Variants in CLEC14A observed in about 807,000 individuals in gnomAD.
The protein encoded by CLEC14A is C-type lectin domain family 14 member A.
For synonymous variants in CLEC14A, 349 were observed against 292.0 expected (o/e 1.20, Z -1.99); for missense variants, 682 against 659.9 (o/e 1.03, Z -0.37).
In CLEC14A at chr14:38,255,612, G is replaced by C; in HGVS notation, c.411C>G (p.Ser137=). The C allele has an allele frequency of 1.2e-6, 2 of 1,610,666 alleles. No homozygotes were observed. Among genetic ancestry groups the C allele is most frequent in the Non-Finnish European group, 1.7e-6 (2 of 1,179,766 alleles). ...TLQWVEEPQR[S]CTARRCAVLQ... Reference sequence around the variant, plus strand: ...GTACCGCGCATCTCCGCGCGGTGCAGGAGCGTTGGGGCTCCTCCACCCACT... The same window carrying C: ...GTACCGCGCATCTCCGCGCGGTGCACGAGCGTTGGGGCTCCTCCACCCACT... The change falls in exon 1 of 1, where the codon TCC becomes TCG. Residue 137 remains serine, a synonymous_variant. Transcript: ENST00000342213. The surrounding 1 kb of genome is among the most constrained non-coding windows in gnomAD (Gnocchi z 5.1).
At position 38,254,251 on chromosome 14, in the gene CLEC14A, T is replaced by A. The variant is rs1883993105; in HGVS notation, c.*299A>T. The A allele has an allele frequency of 3.6e-6, 1 of 277,058 alleles. No individual in the cohort carries two copies. Among genetic ancestry groups the A allele is most frequent in the Non-Finnish European group, 6.7e-6 (1 of 149,484 alleles). 17.2% of individuals were successfully genotyped at this position (277,058 alleles called of 1,614,324 possible). A position where few individuals can be genotyped will look rare whatever the true frequency, so the allele number is the denominator to read the frequency against. On this transcript the variant is annotated 3_prime_UTR_variant, in exon 1 of 1. Transcript: ENST00000342213. ...AATGTAAATTATATTGTGTTCTATT[T>A]GTTTCCAATGTCTTGAAAAGTTCAA... is the stretch of plus-strand genomic sequence containing the variant.
Position 38,255,645 on chromosome 14 carries a change from G to A in CLEC14A, c.378C>T (p.Asp126=), listed in dbSNP as rs1265403506. The A allele has an allele frequency of 6.8e-6, 11 of 1,607,366 alleles. No individual in the cohort carries two copies. The highest frequency in any genetic ancestry group is 9.3e-6 in the Non-Finnish European group (11 of 1,179,260). ...LSSDPGGLES[D]TLQWVEEPQR... is the part of the protein sequence containing the mutation. ...GGGGCTCCTCCACCCACTGCAGCGT[G>A]TCGCTTTCGAGACCGCCGGGGTCGG... Residue 126 remains aspartate, a synonymous_variant, in exon 1 of 1, where the codon GAC becomes GAT. Coordinates refer to ENST00000342213, the MANE Select transcript of CLEC14A (RefSeq NM_175060.3). This position sits in a 1 kb window ranked among gnomAD's most constrained non-coding sequence, Gnocchi z 5.1.
Position 38,255,795 on chromosome 14 carries a change from G to C in CLEC14A, c.228C>G (p.Leu76=). The part of the protein sequence containing the change: ...AGAELRAVLA[L]LRAGPGPGGG... Reference sequence around the variant, plus strand: ...CTCCGGGCCCTGGGCCTGCCCGCAGGAGCGCGAGCACAGCGCGCAGCTCGG... The same window carrying C: ...CTCCGGGCCCTGGGCCTGCCCGCAGCAGCGCGAGCACAGCGCGCAGCTCGG... Residue 76 remains leucine (L), a synonymous_variant, in exon 1 of 1, where the codon CTC becomes CTG. Coordinates refer to ENST00000342213, the MANE Select transcript of CLEC14A (RefSeq NM_175060.3). This position sits in a 1 kb window ranked among gnomAD's most constrained non-coding sequence, Gnocchi z 5.1. 4 of 1,541,664 alleles carry C rather than the reference G, an allele frequency of 2.6e-6. No homozygotes were observed. Among genetic ancestry groups the C allele is most frequent in the Non-Finnish European group, 3.5e-6 (4 of 1,148,178 alleles).
chr14:38,255,594 G>C lies in CLEC14A; in HGVS notation c.429C>G (p.Cys143Trp), dbSNP rs1276346398. 7 of 1,611,846 alleles carry C rather than the reference G, an allele frequency of 4.3e-6. No homozygotes were observed. The highest frequency in any genetic ancestry group is 1.3e-5 in the African/African-American group (1 of 74,932). ...CCCCACCGGTGGCCTGGAGTACCGC[G>C]CATCTCCGCGCGGTGCAGGAGCGTT... Reference protein sequence around the residue: ...EPQRSCTARRCAVLQATGGVE... With the variant: ...EPQRSCTARRWAVLQATGGVE... The change falls in exon 1 of 1, where the codon TGC becomes TGG. Residue 143 changes from cysteine to tryptophan, a missense_variant. Physicochemically the swap from Cys to Trp is radical, Grantham distance 215 (BLOSUM62 -2). Transcript: ENST00000342213. The surrounding 1 kb of genome is among the most constrained non-coding windows in gnomAD (Gnocchi z 5.1).
chr14:38,255,984 C>T lies in CLEC14A; in HGVS notation c.39G>A (p.Ala13=). The T allele has an allele frequency of 1.9e-6, 3 of 1,541,182 alleles. No individual in the cohort carries two copies. The highest frequency in any genetic ancestry group is 2.6e-6 in the Non-Finnish European group (3 of 1,144,124). The change falls in exon 1 of 1, where the codon GCG becomes GCA. Residue 13 remains alanine, a synonymous_variant. Coordinates refer to ENST00000342213, the MANE Select transcript of CLEC14A (RefSeq NM_175060.3). The surrounding 1 kb of genome is among the most constrained non-coding windows in gnomAD (Gnocchi z 5.1). Reference sequence around the variant, plus strand: ...CGCCGCCGCCCGGCCCGGGCCAGAGCGCCTGCCAGAGGAGGCACAGGGCGA... The same window carrying T: ...CGCCGCCGCCCGGCCCGGGCCAGAGTGCCTGCCAGAGGAGGCACAGGGCGA... ...PAFALCLLWQ[A]LWPGPGGGEH...
chr14:38,254,076 C>T lies in CLEC14A; in HGVS notation c.*474G>A, dbSNP rs1451624019. On this transcript the variant is annotated 3_prime_UTR_variant, in exon 1 of 1. Transcript: ENST00000342213. ...ATGCCCTCAGCTGTTCCTAATTACT[C>T]CTGGAGGAAGGCAATGATATTTGAG... 1 of 152,328 alleles carries T rather than the reference C, an allele frequency of 6.6e-6. No homozygotes were observed. Among genetic ancestry groups the T allele is most frequent in the Non-Finnish European group, 1.5e-5 (1 of 68,182 alleles). 9.4% of individuals were successfully genotyped at this position (152,328 alleles called of 1,614,324 possible).
chr14:38,255,283 G>C lies in CLEC14A; in HGVS notation c.740C>G (p.Pro247Arg). 1 of 1,613,728 alleles carries C rather than the reference G, an allele frequency of 6.2e-7. No individual in the cohort carries two copies. Among genetic ancestry groups the C allele is most frequent in the Non-Finnish European group, 8.5e-7 (1 of 1,180,024 alleles). ...KLSGDVLCPC[P>R]GRYLRAGKCA... The stretch of plus-strand genomic sequence containing the variant: ...TTTGCCAGCACGGAGGTACCTCCCG[G>C]GGCAGGGACACAACACATCGCCCGA... Residue 247 changes from proline to arginine, a missense_variant, in exon 1 of 1, where the codon CCC becomes CGC. By Grantham distance (103) the Pro-to-Arg change is moderately radical. Transcript: ENST00000342213. The surrounding 1 kb of genome is among the most constrained non-coding windows in gnomAD (Gnocchi z 5.1).
chr14:38,254,999 A>G lies in CLEC14A; in HGVS notation c.1024T>C (p.Ser342Pro), dbSNP rs753945066. Residue 342 changes from serine to proline, a missense_variant, in exon 1 of 1, where the codon TCT becomes CCT. By Grantham distance (74) the Ser-to-Pro change is moderately conservative. Transcript: ENST00000342213. Reference protein sequence around the residue: ...LVPEQDNSVTSIPEIPRWGSQ... With the variant: ...LVPEQDNSVTPIPEIPRWGSQ... ...CCCCATCGAGGAATCTCAGGAATAG[A>G]TGTTACTGAATTGTCTTGTTCAGGG... 7.4e-6 allele frequency: 12 copies of G among 1,613,892 alleles called. No individual in the cohort carries two copies. The highest frequency in any genetic ancestry group is 1.3e-5 in the African/African-American group (1 of 74,896).
rs1023967282 is a variant in CLEC14A at position 38,254,334 on chromosome 14, G to A, written c.*216C>T. ...AAAATATCTCTCCCCAGCACTACCC[G>A]GTCCCCCAGTATCACCATCCTAAAG... On this transcript the variant is annotated 3_prime_UTR_variant, in exon 1 of 1. Coordinates refer to ENST00000342213, the MANE Select transcript of CLEC14A (RefSeq NM_175060.3). The A allele has an allele frequency of 6.5e-6, 3 of 460,094 alleles. No homozygotes were observed. Among genetic ancestry groups the A allele is most frequent in the East Asian group, 3.3e-5 (1 of 30,020 alleles). 28.5% of individuals were successfully genotyped at this position (460,094 alleles called of 1,614,324 possible).
Position 38,254,759 on chromosome 14 carries a change from T to C in CLEC14A, c.1264A>G (p.Lys422Glu). ...ILTMTVLGLV[K>E]LCFHESPSSQ... ...GAGGGGCTTTCGTGAAAGCAGAGCT[T>C]GACAAGCCCCAGTACTGTCATGGTC... Residue 422 changes from lysine (K) to glutamate (E), a missense_variant, in exon 1 of 1, where the codon AAG becomes GAG. Transcript: ENST00000342213. 2 of 1,614,090 alleles carry C rather than the reference T, an allele frequency of 1.2e-6. No individual in the cohort carries two copies. The highest frequency in any genetic ancestry group is 1.7e-6 in the Non-Finnish European group (2 of 1,180,010).
rs774560433 is a variant in CLEC14A, at chr14:38,255,246, G to A, written c.777C>T (p.Leu259=). 1 of 1,613,868 alleles carries A rather than the reference G, an allele frequency of 6.2e-7. No individual in the cohort carries two copies. Among genetic ancestry groups the A allele is most frequent in the South Asian group, 1.1e-5 (1 of 91,088 alleles). ...RYLRAGKCAE[L]PNCLDDLGGF... is the part of the protein sequence containing the mutation. ...CTCCCAAGTCGTCTAGGCAGTTAGG[G>A]AGCTCTGCGCATTTGCCAGCACGGA... The change falls in exon 1 of 1, where the codon CTC becomes CTT. Residue 259 remains leucine (L), a synonymous_variant. Coordinates refer to ENST00000342213, the MANE Select transcript of CLEC14A (RefSeq NM_175060.3). The surrounding 1 kb of genome is among the most constrained non-coding windows in gnomAD (Gnocchi z 5.1).
In CLEC14A at chr14:38,254,712, A is replaced by G. The variant is rs1272794271; in HGVS notation, c.1311T>C (p.Ser437=). 7 of 1,614,022 alleles carry G rather than the reference A, an allele frequency of 4.3e-6. No homozygotes were observed. The highest frequency in any genetic ancestry group is 5.1e-6 in the Non-Finnish European group (6 of 1,179,994). Residue 437 remains serine (S), a synonymous_variant, in exon 1 of 1, where the codon TCT becomes TCC. Transcript: ENST00000342213. ...ESPSSQPRKE[S]MGPPGLESDP... ...CACTCTCCAGGCCCGGCGGGCCCAT[A>G]GACTCCTTCCTTGGCTGGGAAGAGG...
Position 38,255,173 on chromosome 14 carries a change from G to T in CLEC14A, c.850C>A (p.Arg284Ser). ...CCTTCCCCACTGGTCACACAAGAGCGGCCGTCCTTCCCCAGCTCGAAGCCC... is the reference window on the plus strand; with the variant it reads ...CCTTCCCCACTGGTCACACAAGAGCTGCCGTCCTTCCCCAGCTCGAAGCCC... Reference protein sequence around the residue: ...ATGFELGKDGRSCVTSGEGQP... With the variant: ...ATGFELGKDGSSCVTSGEGQP... Residue 284 changes from arginine (R) to serine (S), a missense_variant, in exon 1 of 1, where the codon CGC becomes AGC. Transcript: ENST00000342213. This position sits in a 1 kb window ranked among gnomAD's most constrained non-coding sequence, Gnocchi z 5.1. The T allele has an allele frequency of 6.2e-7, 1 of 1,613,686 alleles. No homozygotes were observed. The highest frequency in any genetic ancestry group is 1.3e-5 in the African/African-American group (1 of 75,044).
At position 38,255,732 on chromosome 14, in the gene CLEC14A, C is replaced by A. The variant is rs777988602; in HGVS notation, c.291G>T (p.Glu97Asp). Residue 97 changes from glutamate to aspartate, a missense_variant, in exon 1 of 1, where the codon GAG (glutamate) becomes GAT (aspartate). Coordinates refer to ENST00000342213, the MANE Select transcript of CLEC14A (RefSeq NM_175060.3). This position sits in a 1 kb window ranked among gnomAD's most constrained non-coding sequence, Gnocchi z 5.1. The stretch of plus-strand genomic sequence containing the variant: ...CCAGGGTGCAGTGGGAACGCCTGCG[C>A]TCCAGTGCGACCCAGAACAGCAGGT... Reference protein sequence around the residue: ...SKDLLFWVALERRRSHCTLEN... With the variant: ...SKDLLFWVALDRRRSHCTLEN... 95 of 1,555,722 alleles carry A rather than the reference C, an allele frequency of 6.1e-5. No individual in the cohort carries two copies. The highest frequency in any genetic ancestry group is 8.0e-5 in the Non-Finnish European group (92 of 1,153,584).
Position 38,255,564 on chromosome 14 carries a change from C to G in CLEC14A, c.459G>C (p.Glu153Asp), listed in dbSNP as rs1303274808. 3 of 1,612,988 alleles carry G rather than the reference C, an allele frequency of 1.9e-6. No individual in the cohort carries two copies. The highest frequency in any genetic ancestry group is 2.5e-6 in the Non-Finnish European group (3 of 1,179,978). Reference protein sequence around the residue: ...CAVLQATGGVEPAGWKEMRCH... With the variant: ...CAVLQATGGVDPAGWKEMRCH... ...ATCGCATCTCCTTCCAGCCTGCGGG[C>G]TCGACCCCACCGGTGGCCTGGAGTA... is the stretch of plus-strand genomic sequence containing the variant. The change falls in exon 1 of 1, where the codon GAG becomes GAC. Residue 153 changes from glutamate (E) to aspartate (D), a missense_variant. Coordinates refer to ENST00000342213, the MANE Select transcript of CLEC14A (RefSeq NM_175060.3). The surrounding 1 kb of genome is among the most constrained non-coding windows in gnomAD (Gnocchi z 5.1).
Position 38,254,637 on chromosome 14 carries a change from A to C in CLEC14A, c.1386T>G (p.Asn462Lys), listed in dbSNP as rs1035916478. The C allele has an allele frequency of 4.3e-6, 7 of 1,613,900 alleles. No homozygotes were observed. Among genetic ancestry groups the C allele is most frequent in the Middle Eastern group, 1.6e-4 (1 of 6,084 alleles). ...GATCACAGTCCCCGACTTTCACCCC[A>C]TTGTTTGTGCAATGTGCAGAACTGG... ...LGSSSAHCTN[N>K]GVKVGDCDLR... Residue 462 changes from asparagine to lysine, a missense_variant, in exon 1 of 1, where the codon AAT (asparagine) becomes AAG (lysine). Physicochemically the swap from Asn to Lys is moderately conservative, Grantham distance 94. Transcript: ENST00000342213.
Position 38,255,734 on chromosome 14 carries a change from CCAG to C in CLEC14A, c.286_288del (p.Leu96del), listed in dbSNP as rs758975251. The C allele has an allele frequency of 6.4e-7, 1 of 1,553,504 alleles. No individual in the cohort carries two copies. The highest frequency in any genetic ancestry group is 1.2e-5 in the South Asian group (1 of 85,492). On this transcript the variant is annotated inframe_deletion, in exon 1 of 1. Transcript: ENST00000342213. The surrounding 1 kb of genome is among the most constrained non-coding windows in gnomAD (Gnocchi z 5.1). The stretch of plus-strand genomic sequence containing the variant: ...AGGGTGCAGTGGGAACGCCTGCGCT[CCAG>C]TGCGACCCAGAACAGCAGGTCTTTG...
rs1354124336 is a variant in CLEC14A, at chr14:38,254,689, C to T, written c.1334G>A (p.Ser445Asn). The T allele has an allele frequency of 1.2e-6, 2 of 1,614,210 alleles. No individual in the cohort carries two copies. Among genetic ancestry groups the T allele is most frequent in the Non-Finnish European group, 1.7e-6 (2 of 1,180,032 alleles). The change falls in exon 1 of 1, where the codon AGT (serine) becomes AAT (asparagine). Residue 445 changes from serine to asparagine, a missense_variant. Transcript: ENST00000342213. ...KESMGPPGLE[S>N]DPEPAALGSS... The stretch of plus-strand genomic sequence containing the variant: ...GCCCAAAGCAGCGGGCTCAGGATCA[C>T]TCTCCAGGCCCGGCGGGCCCATAGA...
chr14:38,254,504 C>T lies in CLEC14A; in HGVS notation c.*46G>A, dbSNP rs147133526. Reference sequence around the variant, plus strand: ...AGTTCCTCTTGGTTCCCCGTTTCATCAAAAGTGAAAAACTGTTCACAGGAG... The same window carrying T: ...AGTTCCTCTTGGTTCCCCGTTTCATTAAAAGTGAAAAACTGTTCACAGGAG... On this transcript the variant is annotated 3_prime_UTR_variant, in exon 1 of 1. Transcript: ENST00000342213. The T allele has an allele frequency of 7.9e-5, 118 of 1,498,404 alleles. No individual in the cohort carries two copies. The African/African-American group carries it at 1.5e-3, about 19-fold the overall frequency. The allele number at this position is 1,498,404 out of a possible 1,614,324, so 92.8% of individuals were successfully genotyped here.
Sources: gnomAD v4.1 joint callset for allele counts on GRCh38, gnomAD v4.1.1 for gene constraint, Gnocchi (gnomAD v3.1) non-coding constraint, MANE v1.5 for transcripts, NCBI Gene and HGNC (gene_info 2026-07-23, HGNC 2026-07-21) for gene names.